AFAP1: variants seen among roughly 807,000 people sequenced by gnomAD.
The protein encoded by AFAP1 is actin filament associated protein 1.
Under a neutral mutation model 93.9 loss-of-function variants are expected in AFAP1, and 75 were observed. The observed-to-expected ratio is 0.80, with a 90% CI of 0.66 to 0.97. The LOEUF is 0.97. AFAP1 is among the 50% of genes least tolerant of loss of function. The pLI, the probability that AFAP1 is intolerant of heterozygous loss-of-function variation, is 0.00. For synonymous variants in AFAP1, 517 were observed against 430.7 expected (o/e 1.20, Z -2.48); for missense variants, 1,201 against 1,050.8 (o/e 1.14, Z -1.98).
intron 4 of AFAP1, among the ~76,000 whole-genome samples, chr4:7,844,230 A>G (rs921429654): frequency 1.5e-4 from 23 of 152,036 alleles, no homozygotes; most frequent in Admixed American, 6.6e-5. Context: ...CTAAAGTTAA[A>G]TGAGGTCCTA....
At chr4:7,833,132 TAAA>T (rs1310887736) in intron 6 of AFAP1, among the ~76,000 whole-genome samples, 2 of 152,170 alleles carry the variant, frequency 1.3e-5, no homozygotes, top group Non-Finnish European at 1.5e-5. Flanking sequence ...GCAAATGTGA[TAAA>T]AACAAAGTTA....
intron 12 of AFAP1, among the ~76,000 whole-genome samples, chr4:7,783,553 C>A (rs1716982509): frequency 6.6e-6 from 1 of 152,160 alleles, no homozygotes; most frequent in Non-Finnish European, 1.5e-5. Flanking sequence ...AGAGGAAGGC[C>A]TAATAAGCAA....
chr4:7,769,194 G>A (rs1021787927), intron 16 of AFAP1, among the ~76,000 whole-genome samples, 186 bp from the exon 17 acceptor site: 11 of 152,166 alleles, frequency 7.2e-5, no homozygotes, highest in African/African-American at 1.7e-4. Context: ...ATTCACGGCC[G>A]GGGGGCAGAG....
intron 10 of AFAP1, among the ~76,000 whole-genome samples, chr4:7,796,116 A>G (rs1454460540): frequency 6.6e-6 from 1 of 152,158 alleles, no homozygotes; most frequent in African/African-American, 2.4e-5. Flanking sequence ...GTCTACTGAA[A>G]AGACCCAGGA....
chr4:7,800,715 C>CT (rs1385187603), intron 9 of AFAP1, 62 bp from the exon 10 acceptor site: 1 of 1,554,604 alleles, frequency 6.4e-7, no homozygotes, highest in African/African-American at 1.4e-5. Context: ...GTGAAGACGT[C>CT]TAGGGTCACA....
chr4:7,932,479 T>A (rs1721131756), intron 1 of AFAP1, among the ~76,000 whole-genome samples: 1 of 152,198 alleles, frequency 6.6e-6, no homozygotes, highest in Non-Finnish European at 1.5e-5. Context: ...GGACCTGGAA[T>A]CATGTACTTT....
At chr4:7,824,103 A>G (rs900406839) in intron 6 of AFAP1, among the ~76,000 whole-genome samples, 15 of 152,212 alleles carry the variant, frequency 9.9e-5, no homozygotes, top group African/African-American at 3.6e-4. Flanking sequence ...AGAAGTAATA[A>G]GTAAAGCACT....
At chr4:7,814,769 G>A (rs1315279801) in intron 8 of AFAP1, among the ~76,000 whole-genome samples, 1 of 152,226 alleles carries the variant, frequency 6.6e-6, no homozygotes, top group Admixed American at 6.5e-5. Context: ...GGCAGACGGG[G>A]GAGAAAGAGC....
At chr4:7,883,131 A>G (rs1717944603) in intron 1 of AFAP1, among the ~76,000 whole-genome samples, 1 of 143,938 alleles carries the variant, frequency 6.9e-6, no homozygotes, top group Non-Finnish European at 1.5e-5. Context: ...GGTTACGGTG[A>G]GCCATAAGCG....
At chr4:7,938,722 C>G (rs752536967) in intron 1 of AFAP1, among the ~76,000 whole-genome samples, 1 of 152,008 alleles carries the variant, frequency 6.6e-6, no homozygotes, top group Non-Finnish European at 1.5e-5. Flanking sequence ...AAAGTTCAAT[C>G]TGGCTTTCCA....
In AFAP1 at chr4:7,831,275, T is replaced by G. The variant is rs574841988; in HGVS notation, c.726+7249A>C. On this transcript the variant is annotated intron_variant, in intron 6 of 17. Transcript: ENST00000420658. ...CTTCTTAGATTCCTGTACCATTATATGTACTGGAAGTAACATCACAGACAT... is the reference window on the plus strand; with the variant it reads ...CTTCTTAGATTCCTGTACCATTATAGGTACTGGAAGTAACATCACAGACAT... Among the ~76,000 whole-genome samples, 5 of 152,158 alleles carry G rather than the reference T, an allele frequency of 3.3e-5. No individual in the cohort carries two copies. The East Asian group carries it at 9.7e-4, about 29-fold the overall frequency.
chr4:7,870,404 A>T (rs1314477321), intron 2 of AFAP1, among the ~76,000 whole-genome samples: 1 of 152,186 alleles, frequency 6.6e-6, no homozygotes, highest in African/African-American at 2.4e-5. Context: ...TCATGCCTAT[A>T]ATGTCAGCAC....
intron 17 of AFAP1, among the ~76,000 whole-genome samples, chr4:7,767,834 C>T (rs1714824041): frequency 6.6e-6 from 1 of 152,220 alleles, no homozygotes; most frequent in Non-Finnish European, 1.5e-5. Context: ...AATCCCAGCA[C>T]TTTGGGAGGT....
At chr4:7,936,934 C>G (rs1420587622) in intron 1 of AFAP1, among the ~76,000 whole-genome samples, 1 of 152,136 alleles carries the variant, frequency 6.6e-6, no homozygotes, top group African/African-American at 2.4e-5. Flanking sequence ...CCAAGTACAT[C>G]TACTCAAGGC....
At chr4:7,844,798 G>T (rs2149119477) in intron 4 of AFAP1, among the ~76,000 whole-genome samples, 1 of 152,354 alleles carries the variant, frequency 6.6e-6, no homozygotes, top group Admixed American at 6.5e-5. Flanking sequence ...TGGATGATAA[G>T]CTCCCTGAGA....
intron 11 of AFAP1, 55 bp from the exon 12 acceptor site, chr4:7,786,366 C>A: frequency 2.8e-6 from 4 of 1,441,470 alleles, no homozygotes; most frequent in Non-Finnish European, 3.9e-6. Flanking sequence ...TTACTCCAAT[C>A]AGTCAAGTCT....
At chr4:7,902,452 G>A (rs1449295294) in intron 1 of AFAP1, among the ~76,000 whole-genome samples, 1 of 152,160 alleles carries the variant, frequency 6.6e-6, no homozygotes, top group Admixed American at 6.5e-5. Flanking sequence ...GGAAGCTAAA[G>A]TGCCTCAGCC....
chr4:7,802,086 G>T (rs2149034271), intron 9 of AFAP1, among the ~76,000 whole-genome samples: 1 of 151,952 alleles, frequency 6.6e-6, no homozygotes, highest in East Asian at 1.9e-4. Flanking sequence ...CCAGAATGAT[G>T]CTTTATTACT....
chr4:7,790,494 T>C (rs984520455), intron 11 of AFAP1, among the ~76,000 whole-genome samples: 6 of 152,204 alleles, frequency 3.9e-5, no homozygotes, highest in Non-Finnish European at 8.8e-5. Flanking sequence ...CTCTTAAATG[T>C]GGTTATCGGC....
Sources: gnomAD v4.1 joint callset for allele counts (sites outside exome capture counted in the v4.1 genomes callset) on GRCh38, gnomAD v4.1.1 for gene constraint, MANE v1.5 for transcripts, NCBI Gene and HGNC (gene_info 2026-07-23, HGNC 2026-07-21) for gene names.